The following KCTD5 variants were observed in gnomAD, a reference collection of about 807,000 sequenced individuals.
KCTD5 encodes potassium channel tetramerization domain containing 5.
KCTD5 carries 12 observed loss-of-function variants against 27.9 expected under a neutral mutation model. The ratio of observed to expected loss-of-function variants is 0.43; its 90% CI spans 0.28 to 0.70. The LOEUF is 0.70. Ranked by LOEUF, KCTD5 falls within the 30% of genes least tolerant of loss-of-function variation. The probability of loss-of-function intolerance (pLI) is 0.19; values close to 1 mark genes in which losing one functional copy is unlikely to be tolerated. For synonymous variants in KCTD5, 147 were observed against 121.4 expected (o/e 1.21, Z -1.39); for missense variants, 226 against 274.8 (o/e 0.82, Z 1.26).
At chr16:2,691,625 G>C (rs1035751663) in intron 1 of KCTD5, among the ~76,000 whole-genome samples, 1 of 152,196 alleles carries the variant, frequency 6.6e-6, no homozygotes, top group African/African-American at 2.4e-5. Context: ...GTGTACTGTG[G>C]CGGGGGCCCC....
chr16:2,699,825 C>T lies in KCTD5; in HGVS notation c.458C>T (p.Pro153Leu), dbSNP rs747861788. 7 of 1,613,356 alleles carry T rather than the reference C, an allele frequency of 4.3e-6. No homozygotes were observed. The highest frequency in any genetic ancestry group is 4.0e-5 in the African/African-American group (3 of 74,908). ...CTGTGCCCATTGTCCTTGCAGGTGC[C>T]TGTGAAGCATGTGTACCGTGTGCTG... ...RERDSKTSQVPVKHVYRVLQC... is the reference protein window; with the variant it reads ...RERDSKTSQVLVKHVYRVLQC... Residue 153 changes from proline to leucine, a missense_variant, in exon 4 of 6, where the codon CCT becomes CTT. Pro to Leu is a moderately conservative substitution (Grantham distance 98). Transcript: ENST00000301738.
chr16:2,707,198 G>C (rs1483227855), intron 5 of KCTD5, 100 bp from the exon 6 acceptor site: 1 of 1,183,760 alleles, frequency 8.4e-7, no homozygotes, highest in African/African-American at 1.5e-5. Context: ...GGCTCCCCGA[G>C]CTAACCCCAG....
At chr16:2,706,621 A>G (rs1425784090) in intron 5 of KCTD5, among the ~76,000 whole-genome samples, 4 of 139,258 alleles carry the variant, frequency 2.9e-5, no homozygotes, top group Admixed American at 2.8e-4. Context: ...TGGTGAGGGA[A>G]GTGGGGAGGG....
chr16:2,704,498 C>T (rs2067626266), intron 5 of KCTD5, among the ~76,000 whole-genome samples: 3 of 152,228 alleles, frequency 2.0e-5, no homozygotes, highest in Admixed American at 1.3e-4. Context: ...CACGCCAGTC[C>T]CTCAAGAACT....
chr16:2,693,819 C>T (rs58348343), intron 1 of KCTD5, among the ~76,000 whole-genome samples: 28,050 of 150,188 alleles, frequency 0.19, 2,779 homozygotes, highest in Middle Eastern at 0.3. Flanking sequence ...CCGAGCTACA[C>T]GAGCTGGTCT....
intron 5 of KCTD5, 116 bp downstream of exon 5, chr16:2,702,594 G>A (rs1247065749): frequency 2.2e-6 from 3 of 1,383,474 alleles, no homozygotes; most frequent in African/African-American, 2.9e-5. Context: ...CGCCCCTGGT[G>A]GCCTTGCTGA....
At chr16:2,687,260 C>G (rs545067031) in intron 1 of KCTD5, among the ~76,000 whole-genome samples, 7 of 152,332 alleles carry the variant, frequency 4.6e-5, no homozygotes, top group Admixed American at 2.0e-4. Flanking sequence ...TGGGTTCAGT[C>G]CTACCTAGGA....
At chr16:2,693,246 A>G (rs1206270541) in intron 1 of KCTD5, among the ~76,000 whole-genome samples, 1 of 152,040 alleles carries the variant, frequency 6.6e-6, no homozygotes, top group East Asian at 1.9e-4. Context: ...TGGTGTGGGG[A>G]GTGGGGTCTG....
intron 1 of KCTD5, among the ~76,000 whole-genome samples, chr16:2,692,490 C>T (rs2067570987): frequency 6.6e-6 from 1 of 152,322 alleles, no homozygotes; most frequent in South Asian, 2.1e-4. Context: ...AGGGTAGCTT[C>T]CCTCTGCAGC....
chr16:2,699,916 G>A lies in KCTD5; in HGVS notation c.549G>A (p.Gln183=). ...TGTCCGACGGCTGGAAGTTCGAGCA[G>A]GTGAGGGGCCCTGGCCAGCCTGGTG... ...STMSDGWKFE[Q]LVSIGSSYNY... Residue 183 remains glutamine (Q), a splice_region_variant and synonymous_variant, in exon 4 of 6, where the codon CAG becomes CAA. Coordinates refer to ENST00000301738, the MANE Select transcript of KCTD5 (RefSeq NM_018992.4). 1.9e-6 allele frequency: 3 copies of A among 1,613,684 alleles called. No homozygotes were observed. Among genetic ancestry groups the A allele is most frequent in the Non-Finnish European group, 2.5e-6 (3 of 1,179,868 alleles).
Position 2,707,588 on chromosome 16 carries a change from G to A in KCTD5, c.*261G>A. The A allele has an allele frequency of 1.6e-6, 1 of 614,466 alleles. No individual in the cohort carries two copies. The highest frequency in any genetic ancestry group is 1.9e-5 in the South Asian group (1 of 51,662). The allele number at this position is 614,466 out of a possible 1,614,324, so 38.1% of individuals were successfully genotyped here. A position where few individuals can be genotyped will look rare whatever the true frequency, so the allele number is the denominator to read the frequency against. On this transcript the variant is annotated 3_prime_UTR_variant, in exon 6 of 6. Transcript: ENST00000301738. ...GGGGGCCTCGCTCTGTTTTTTCCAA[G>A]TGCCACGTGGGACTGAGGCAGACAC...
At chr16:2,705,074 C>T (rs1006556555) in intron 5 of KCTD5, among the ~76,000 whole-genome samples, 4 of 152,226 alleles carry the variant, frequency 2.6e-5, no homozygotes, top group Non-Finnish European at 2.9e-5. Context: ...CCGGGGCACC[C>T]GCCCACCCGC....
At chr16:2,692,732 C>T (rs9926188) in intron 1 of KCTD5, among the ~76,000 whole-genome samples, 64,624 of 152,202 alleles carry the variant, frequency 0.42, 15,165 homozygotes, top group Middle Eastern at 0.54. Context: ...CTACCCCCTT[C>T]TTCCCAGGAA....
intron 1 of KCTD5, among the ~76,000 whole-genome samples, chr16:2,690,370 C>T (rs1176660778): frequency 6.6e-6 from 1 of 152,264 alleles, no homozygotes; most frequent in African/African-American, 2.4e-5. Flanking sequence ...CGGCTGAAGC[C>T]TGGGACCTCT....
intron 1 of KCTD5, among the ~76,000 whole-genome samples, chr16:2,690,523 G>A (rs1188441084): frequency 6.6e-6 from 1 of 152,224 alleles, no homozygotes; most frequent in Non-Finnish European, 1.5e-5. Flanking sequence ...AATTATGGCT[G>A]TTTTAGAAAA....
intron 1 of KCTD5, among the ~76,000 whole-genome samples, chr16:2,690,904 A>AT (rs2067563574): frequency 6.6e-6 from 1 of 152,116 alleles, no homozygotes; most frequent in Non-Finnish European, 1.5e-5. Context: ...CATGTTCCAT[A>AT]TTTTTTTGTT....
In KCTD5 at chr16:2,701,118, G is replaced by A. The variant is rs1032971607; in HGVS notation, c.549+1202G>A. On this transcript the variant is annotated intron_variant, in intron 4 of 5. Transcript: ENST00000301738. ...CTGTGCTCTTCTGCCACCGTCTTGTGACTTCTGGCTGGGAGGGAACAATGT... is the reference window on the plus strand; with the variant it reads ...CTGTGCTCTTCTGCCACCGTCTTGTAACTTCTGGCTGGGAGGGAACAATGT... 3.9e-5 allele frequency among the ~76,000 whole-genome samples: 6 copies of A among 152,352 alleles called. No homozygotes were observed. The South Asian group carries it at 1.2e-3, about 32-fold the overall frequency.
At chr16:2,702,525 G>C in intron 5 of KCTD5, 47 bp downstream of exon 5, 1 of 1,601,472 alleles carries the variant, frequency 6.2e-7, no homozygotes, top group Non-Finnish European at 8.5e-7. Flanking sequence ...GGGTGGGGAA[G>C]GCTCTTGCCC....
chr16:2,690,299 C>A (rs1229038739), intron 1 of KCTD5, among the ~76,000 whole-genome samples: 1 of 152,214 alleles, frequency 6.6e-6, no homozygotes, highest in East Asian at 1.9e-4. Flanking sequence ...CTCCCGTGGC[C>A]AGGGTCGCCC....
Sources: gnomAD v4.1 joint callset for allele counts (sites outside exome capture counted in the v4.1 genomes callset) on GRCh38, gnomAD v4.1.1 for gene constraint, MANE v1.5 for transcripts, NCBI Gene and HGNC (gene_info 2026-07-23, HGNC 2026-07-21) for gene names.